The following CAB39L variants were observed in gnomAD, a reference collection of about 807,000 sequenced individuals.
CAB39L encodes the protein calcium-binding protein 39-like.
CAB39L carries 23 observed loss-of-function variants against 39.1 expected under a neutral mutation model. That is an observed-to-expected ratio of 0.59 (90% CI 0.42 to 0.83). The LOEUF (loss-of-function observed/expected upper bound fraction) is 0.83, where lower values mean the gene tolerates loss of function less well. Among genes scored for constraint, CAB39L ranks in the 40% least tolerant of loss-of-function variants. The probability of loss-of-function intolerance (pLI) is 0.00; values close to 1 mark genes in which losing one functional copy is unlikely to be tolerated. For synonymous variants in CAB39L, 126 were observed against 137.2 expected (o/e 0.92, Z 0.57); for missense variants, 366 against 391.9 (o/e 0.93, Z 0.56).
At chr13:49,317,966 T>G (rs1478102811) in intron 10 of CAB39L, among the ~76,000 whole-genome samples, 2 of 152,004 alleles carry the variant, frequency 1.3e-5, no homozygotes, top group Non-Finnish European at 2.9e-5. Flanking sequence ...GAACAGACAT[T>G]TCTCCAAAAA....
chr13:49,332,068 T>C lies in CAB39L; in HGVS notation c.713A>G (p.Asp238Gly). 1 of 1,614,032 alleles carries C rather than the reference T, an allele frequency of 6.2e-7. No individual in the cohort carries two copies. The highest frequency in any genetic ancestry group is 1.3e-5 in the African/African-American group (1 of 75,052). Residue 238 changes from aspartate to glycine, a missense_variant, in exon 10 of 11, where the codon GAC becomes GGC. Coordinates refer to ENST00000409308, the MANE Select transcript of CAB39L (RefSeq NM_001079670.3). ...TGTCATGATGGCAAAGTTGTGACGG[T>C]CCAGGATCAGCTCCCCTAGCAGCTA... ...SLKLLGELIL[D>G]RHNFAIMTKY...
chr13:49,374,707 G>A (rs80186744), intron 5 of CAB39L, among the ~76,000 whole-genome samples: 12 of 152,196 alleles, frequency 7.9e-5, no homozygotes, highest in African/African-American at 2.9e-4. Context: ...CCCAATTCTT[G>A]GAAAGCACTT....
intron 3 of CAB39L, among the ~76,000 whole-genome samples, chr13:49,397,333 G>A (rs1304934418): frequency 6.6e-6 from 1 of 151,986 alleles, no homozygotes; most frequent in Non-Finnish European, 1.5e-5. Context: ...CAAATTTGAG[G>A]GAGAGGCACT....
chr13:49,399,945 T>C (rs1053446209), intron 3 of CAB39L, among the ~76,000 whole-genome samples: 1 of 151,966 alleles, frequency 6.6e-6, no homozygotes, highest in Non-Finnish European at 1.5e-5. Flanking sequence ...CTGCTTCTTA[T>C]ACATAGGTCA....
chr13:49,430,755 G>C (rs1220061731), intron 3 of CAB39L, among the ~76,000 whole-genome samples: 1 of 152,214 alleles, frequency 6.6e-6, no homozygotes, highest in African/African-American at 2.4e-5. Flanking sequence ...CTGGAGGTGA[G>C]ACTGGTATCG....
At chr13:49,351,007 G>A in intron 6 of CAB39L, 95 bp from the exon 7 acceptor site, 1 of 850,906 alleles carries the variant, frequency 1.2e-6, no homozygotes, top group Non-Finnish European at 1.7e-6. Context: ...TGCTATTAAT[G>A]GAAGCATACA....
intron 7 of CAB39L, among the ~76,000 whole-genome samples, chr13:49,346,766 A>T (rs188898466): frequency 6.6e-6 from 1 of 152,310 alleles, no homozygotes; most frequent in East Asian, 1.9e-4. Context: ...GGAAAATAAA[A>T]CTCAAAGGTT....
chr13:49,386,805 C>T (rs1404906806), intron 3 of CAB39L, among the ~76,000 whole-genome samples: 1 of 151,536 alleles, frequency 6.6e-6, no homozygotes, highest in Non-Finnish European at 1.5e-5. Context: ...AGACTAAACA[C>T]CTCCCCCACT....
At chr13:49,363,430 T>A (rs992756953) in intron 5 of CAB39L, among the ~76,000 whole-genome samples, 1 of 152,082 alleles carries the variant, frequency 6.6e-6, no homozygotes, top group Admixed American at 6.5e-5. Flanking sequence ...TGTCATCAAT[T>A]TAAAACAATG....
chr13:49,434,952 T>G (rs1291866124), intron 1 of CAB39L, among the ~76,000 whole-genome samples: 1 of 152,234 alleles, frequency 6.6e-6, no homozygotes, highest in East Asian at 1.9e-4. Context: ...TAATCCCACT[T>G]TTGAATATGT....
chr13:49,310,634 T>C lies in CAB39L; in HGVS notation c.*180A>G, dbSNP rs565829083. 9.9e-5 allele frequency: 51 copies of C among 516,364 alleles called. No homozygotes were observed. Among genetic ancestry groups the C allele is most frequent in the African/African-American group, 9.6e-4 (51 of 52,896 alleles). 32.0% of individuals were successfully genotyped at this position (516,364 alleles called of 1,614,324 possible). ...TAATCACAGACTTGACTAAAATGAATATATTATTCTAGGTTAATTTTTTTC... is the reference window on the plus strand; with the variant it reads ...TAATCACAGACTTGACTAAAATGAACATATTATTCTAGGTTAATTTTTTTC... On this transcript the variant is annotated 3_prime_UTR_variant, in exon 11 of 11. Coordinates refer to ENST00000409308, the MANE Select transcript of CAB39L (RefSeq NM_001079670.3).
At chr13:49,367,153 C>T (rs1955797850) in intron 5 of CAB39L, among the ~76,000 whole-genome samples, 1 of 151,966 alleles carries the variant, frequency 6.6e-6, no homozygotes. Context: ...TAGCAAGACC[C>T]CATCTCTACT....
intron 10 of CAB39L, among the ~76,000 whole-genome samples, chr13:49,327,664 C>T (rs890325197): frequency 2.0e-5 from 3 of 152,154 alleles, no homozygotes; most frequent in Non-Finnish European, 4.4e-5. Flanking sequence ...TGTTCTTTTG[C>T]ATGTTTTCAA....
At chr13:49,369,264 G>A (rs531718514) in intron 5 of CAB39L, among the ~76,000 whole-genome samples, 9 of 152,290 alleles carry the variant, frequency 5.9e-5, no homozygotes, top group African/African-American at 2.2e-4. Context: ...TACATAAATG[G>A]TTAACGGCAG....
At chr13:49,420,412 A>G (rs1397400865) in intron 3 of CAB39L, 2 of 152,226 alleles carry the variant, frequency 1.3e-5, no homozygotes, top group Non-Finnish European at 2.9e-5. Context: ...TATTTTATCA[A>G]TGTATTAGAG....
intron 1 of CAB39L, among the ~76,000 whole-genome samples, chr13:49,438,805 A>G (rs1957457676): frequency 6.6e-6 from 1 of 152,226 alleles, no homozygotes; most frequent in African/African-American, 2.4e-5. Flanking sequence ...GCCTTTCAAC[A>G]TATGTTACAT....
chr13:49,432,055 A>C (rs1381181915), intron 3 of CAB39L, among the ~76,000 whole-genome samples: 5 of 152,204 alleles, frequency 3.3e-5, no homozygotes, highest in Non-Finnish European at 7.4e-5. Flanking sequence ...ATTTCTTGCC[A>C]ATTCTTTTTT....
chr13:49,388,353 T>A (rs1314724344), intron 3 of CAB39L, among the ~76,000 whole-genome samples: 1 of 152,184 alleles, frequency 6.6e-6, no homozygotes, highest in African/African-American at 2.4e-5. Flanking sequence ...AGACCCAACA[T>A]TCAGTGTCTT....
chr13:49,350,967 T>C (rs997684931), intron 6 of CAB39L, 55 bp from the exon 7 acceptor site: 4 of 1,325,062 alleles, frequency 3.0e-6, no homozygotes, highest in Non-Finnish European at 4.1e-6. Flanking sequence ...TAAAATAATA[T>C]TAATGGCATC....
Sources: allele counts gnomAD v4.1 joint callset (sites outside exome capture counted in the v4.1 genomes callset), GRCh38; gene constraint gnomAD v4.1.1; transcripts MANE v1.5; gene names NCBI Gene and HGNC (gene_info 2026-07-23, HGNC 2026-07-21).